The following CHLSN variants were observed in gnomAD, a reference collection of about 807,000 sequenced individuals.
The protein encoded by CHLSN is protein cholesin.
chr7:988,626 C>A, the CHLSN span: 1 of 1,603,196 alleles, frequency 6.2e-7, no homozygotes. Context: ...GCCTGGACAT[C>A]CCCCGCAGGC....
the CHLSN span, among the ~76,000 whole-genome samples, chr7:1,042,364 C>T: frequency 3.3e-5 from 5 of 152,322 alleles, no homozygotes; most frequent in East Asian, 3.9e-4. Flanking sequence ...GGTGCAACCG[C>T]GAAGCTGAGT....
chr7:1,032,854 C>T, the CHLSN span, among the ~76,000 whole-genome samples: 1 of 152,234 alleles, frequency 6.6e-6, no homozygotes, highest in African/African-American at 2.4e-5. Context: ...AGCGCCTCTG[C>T]CCCAAGCATC....
At chr7:1,072,110 G>T in the CHLSN span, among the ~76,000 whole-genome samples, 586 of 152,310 alleles carry the variant, frequency 3.8e-3, 6 homozygotes, top group Non-Finnish European at 5.1e-3. Flanking sequence ...TGGCCTAAGC[G>T]GGGATCCAAG....
At chr7:1,110,408 C>T in the CHLSN span, among the ~76,000 whole-genome samples, 2 of 152,192 alleles carry the variant, frequency 1.3e-5, no homozygotes, top group African/African-American at 2.4e-5. Context: ...CCTCTCCCCG[C>T]GCCGGCACCT....
At chr7:1,136,237 AAATATATATAAATAT>A in the CHLSN span, among the ~76,000 whole-genome samples, 2 of 115,908 alleles carry the variant, frequency 1.7e-5, no homozygotes, top group Admixed American at 2.1e-4. Flanking sequence ...TAAATATATA[AAATATATATAAATAT>A]ATATAAACAT....
chr7:1,022,812 C>T, the CHLSN span: 17 of 308,344 alleles, frequency 5.5e-5, 1 homozygote, highest in South Asian at 2.7e-4. Flanking sequence ...CCCATGCTCT[C>T]CCCCTTCCAT....
chr7:1,016,723 A>G, the CHLSN span, among the ~76,000 whole-genome samples: 4,297 of 82,760 alleles, frequency 0.052, 346 homozygotes, highest in African/African-American at 0.14. Context: ...GCACAGCAGC[A>G]CACAGCAGCA....
chr7:1,134,027 A>G, the CHLSN span, among the ~76,000 whole-genome samples: 148 of 151,774 alleles, frequency 9.8e-4, 1 homozygote, highest in African/African-American at 3.5e-3. Context: ...CTGGTCTCAA[A>G]CTCCTGAGCT....
the CHLSN span, among the ~76,000 whole-genome samples, chr7:1,073,673 G>T: frequency 2.3e-4 from 31 of 136,242 alleles, no homozygotes; most frequent in African/African-American, 8.2e-4. Context: ...GCACCCCGCC[G>T]CCGTGACGCC....
At chr7:1,112,977 A>T in the CHLSN span, among the ~76,000 whole-genome samples, 3 of 152,358 alleles carry the variant, frequency 2.0e-5, no homozygotes, top group East Asian at 5.8e-4. Context: ...TGTTCTTTGC[A>T]CCGTGGATGA....
the CHLSN span, among the ~76,000 whole-genome samples, chr7:1,080,379 G>A: frequency 6.6e-6 from 1 of 152,244 alleles, no homozygotes; most frequent in African/African-American, 2.4e-5. Flanking sequence ...GCCACCTGGT[G>A]TGCACGACGT....
chr7:990,791 C>A, the CHLSN span, among the ~76,000 whole-genome samples: 1 of 152,022 alleles, frequency 6.6e-6, no homozygotes, highest in African/African-American at 2.4e-5. Flanking sequence ...GCAGAAAGAA[C>A]GGGGTCCTGG....
chr7:981,818 A>G, the CHLSN span, among the ~76,000 whole-genome samples: 1 of 152,166 alleles, frequency 6.6e-6, no homozygotes, highest in African/African-American at 2.4e-5. Context: ...GCTTGAACCC[A>G]GGAGTGTGAG....
chr7:1,071,949 G>A, the CHLSN span, among the ~76,000 whole-genome samples: 1 of 152,192 alleles, frequency 6.6e-6, no homozygotes, highest in East Asian at 1.9e-4. Flanking sequence ...GCACCTGGTC[G>A]GCACACGTGG....
At chr7:1,121,494 T>G in the CHLSN span, among the ~76,000 whole-genome samples, 1 of 152,224 alleles carries the variant, frequency 6.6e-6, no homozygotes, top group African/African-American at 2.4e-5. Context: ...CGGCCTCATT[T>G]GATGGTTTTA....
At chr7:1,082,543 G>A in the CHLSN span, among the ~76,000 whole-genome samples, 2 of 152,226 alleles carry the variant, frequency 1.3e-5, no homozygotes, top group Non-Finnish European at 2.9e-5. Context: ...AGGAGGAGGG[G>A]CCAGCATGGG....
chr7:1,110,287 C>T, the CHLSN span, among the ~76,000 whole-genome samples: 3 of 152,248 alleles, frequency 2.0e-5, no homozygotes, highest in African/African-American at 4.8e-5. Context: ...CTAAACAATC[C>T]GCTGTGAAAA....
At chr7:1,018,678 G>C in the CHLSN span, among the ~76,000 whole-genome samples, 3 of 152,194 alleles carry the variant, frequency 2.0e-5, no homozygotes, top group African/African-American at 7.2e-5. Context: ...TGAGTGCTTT[G>C]GGAGGCCAAG....
At chr7:1,063,556 G>C in the CHLSN span, among the ~76,000 whole-genome samples, 1 of 152,200 alleles carries the variant, frequency 6.6e-6, no homozygotes, top group Non-Finnish European at 1.5e-5. Context: ...CTGTTCTGCC[G>C]TGTCTCCCAG....
Sources: gnomAD v4.1 joint callset for allele counts (sites outside exome capture counted in the v4.1 genomes callset) on GRCh38, gnomAD v4.1.1 for gene constraint, MANE v1.5 for transcripts, NCBI Gene and HGNC (gene_info 2026-07-23, HGNC 2026-07-21) for gene names.